The following COG2 variants were observed in gnomAD, a reference collection of about 807,000 sequenced individuals.
COG2 encodes conserved oligomeric Golgi complex subunit 2.
A neutral mutation model predicts 90.6 loss-of-function variants in COG2; 52 were observed. That is an observed-to-expected ratio of 0.57 (90% CI 0.46 to 0.72). The LOEUF (loss-of-function observed/expected upper bound fraction) is 0.72, where lower values mean the gene tolerates loss of function less well. COG2 is among the 30% of genes least tolerant of loss of function. COG2 has a pLI of 0.00. For missense variants in COG2, 829 were observed against 891.2 expected (o/e 0.93, Z 0.89); for synonymous variants, 337 against 320.4 (o/e 1.05, Z -0.55).
Position 230,688,441 on chromosome 1 carries a change from G to A in COG2, c.1673G>A (p.Ser558Asn). 1.2e-6 allele frequency: 2 copies of A among 1,614,006 alleles called. No homozygotes were observed. The highest frequency in any genetic ancestry group is 1.7e-6 in the Non-Finnish European group (2 of 1,179,982). ...ACAGCAGCCCTGGAGGACTCCCAGA[G>A]CTCTTTTTCAGCCTGTGTGCCCTCC... is the stretch of plus-strand genomic sequence containing the variant. ...SISAALEDSQSSFSACVPSLS... is the reference protein window; with the variant it reads ...SISAALEDSQNSFSACVPSLS... The change falls in exon 15 of 18, where the codon AGC becomes AAC. Residue 558 changes from serine to asparagine, a missense_variant. Ser to Asn is a conservative substitution (Grantham distance 46, BLOSUM62 1). Transcript: ENST00000366669.
chr1:230,654,702 A>G (rs1368230069), intron 1 of COG2, among the ~76,000 whole-genome samples: 1 of 152,216 alleles, frequency 6.6e-6, no homozygotes, highest in Non-Finnish European at 1.5e-5. Flanking sequence ...GGCAATTTTC[A>G]TGATATTGAT....
intron 12 of COG2, 101 bp from the exon 13 acceptor site, chr1:230,686,830 CAGCT>C (rs1662894915): frequency 1.7e-6 from 1 of 599,918 alleles, no homozygotes; most frequent in Non-Finnish European, 2.7e-6. Flanking sequence ...GCTATGTAGA[CAGCT>C]AGCATTTAAT....
At chr1:230,683,044 T>C (rs1662793805) in intron 10 of COG2, 1 of 152,978 alleles carries the variant, frequency 6.5e-6, no homozygotes, top group Non-Finnish European at 1.5e-5. Context: ...GCAAGTACCA[T>C]GGACGTGGGA....
intron 5 of COG2, 67 bp from the exon 6 acceptor site, chr1:230,668,608 CG>C: frequency 1.1e-6 from 1 of 913,162 alleles, no homozygotes. Context: ...CACTGCCAGG[CG>C]TGTGATGTAT....
intron 5 of COG2, among the ~76,000 whole-genome samples, chr1:230,667,936 A>G (rs901870291): frequency 1.3e-5 from 2 of 152,062 alleles, no homozygotes; most frequent in African/African-American, 2.4e-5. Context: ...GTTTGGGGGG[A>G]AAAAGTGCAT....
chr1:230,646,209 CTT>C (rs893026816), intron 1 of COG2, among the ~76,000 whole-genome samples: 1 of 152,178 alleles, frequency 6.6e-6, no homozygotes, highest in Non-Finnish European at 1.5e-5. Context: ...CAAATGTTGT[CTT>C]TACTTTCTCT....
chr1:230,649,623 G>A (rs916531490), intron 1 of COG2, among the ~76,000 whole-genome samples: 1 of 152,148 alleles, frequency 6.6e-6, no homozygotes, highest in Non-Finnish European at 1.5e-5. Context: ...GAACAGGAAT[G>A]TTGTCTTTGC....
At chr1:230,663,665 AT>A (rs1391921470) in intron 4 of COG2, among the ~76,000 whole-genome samples, 1 of 152,214 alleles carries the variant, frequency 6.6e-6, no homozygotes, top group African/African-American at 2.4e-5. Context: ...CTTTGTAACT[AT>A]TTATTTAATG....
intron 5 of COG2, among the ~76,000 whole-genome samples, chr1:230,666,613 T>C (rs139350361): frequency 6.6e-6 from 1 of 152,218 alleles, no homozygotes; most frequent in Non-Finnish European, 1.5e-5. Context: ...TCACTAAAGC[T>C]ATTCAGAACT....
At chr1:230,652,032 C>T (rs1661926142) in intron 1 of COG2, among the ~76,000 whole-genome samples, 1 of 152,102 alleles carries the variant, frequency 6.6e-6, no homozygotes. Context: ...AACTGAAGTG[C>T]CATAGTTTTT....
intron 16 of COG2, 110 bp from the exon 17 acceptor site, chr1:230,691,274 A>C: frequency 1.1e-6 from 1 of 923,932 alleles, no homozygotes; most frequent in South Asian, 2.0e-5. Context: ...TTTCGTTGGA[A>C]GTGAATTTTT....
intron 1 of COG2, 91 bp from the exon 2 acceptor site, chr1:230,659,373 A>G: frequency 4.9e-6 from 5 of 1,029,098 alleles, no homozygotes; most frequent in Non-Finnish European, 7.5e-6. Flanking sequence ...AATGACGGGA[A>G]TGGGCTTTCT....
chr1:230,673,576 G>A (rs1040773893), intron 8 of COG2, among the ~76,000 whole-genome samples: 5 of 152,202 alleles, frequency 3.3e-5, no homozygotes, highest in African/African-American at 1.2e-4. Context: ...ATGAGGAAAT[G>A]TTGTCATTTA....
At chr1:230,646,271 A>C (rs1661774424) in intron 1 of COG2, among the ~76,000 whole-genome samples, 1 of 152,050 alleles carries the variant, frequency 6.6e-6, no homozygotes. Context: ...CCATCATTCC[A>C]CTAAAGACTT....
At chr1:230,643,140 C>T (rs1442906257) in intron 1 of COG2, 3 of 155,192 alleles carry the variant, frequency 1.9e-5, no homozygotes, top group African/African-American at 7.2e-5. Context: ...TCAGCTAAAG[C>T]TTCCAGAATG....
intron 1 of COG2, among the ~76,000 whole-genome samples, chr1:230,644,536 G>A (rs1470819228): frequency 6.6e-6 from 1 of 152,174 alleles, no homozygotes; most frequent in African/African-American, 2.4e-5. Context: ...ATTTGAGATT[G>A]CTTGAAAATC....
At chr1:230,655,049 C>A (rs551922189) in intron 1 of COG2, among the ~76,000 whole-genome samples, 3 of 152,290 alleles carry the variant, frequency 2.0e-5, no homozygotes, top group Non-Finnish European at 4.4e-5. Flanking sequence ...CAAACAGAGA[C>A]AATTTGACTT....
At chr1:230,645,321 GGTA>G (rs1245419361) in intron 1 of COG2, among the ~76,000 whole-genome samples, 1 of 152,028 alleles carries the variant, frequency 6.6e-6, no homozygotes, top group Non-Finnish European at 1.5e-5. Flanking sequence ...GTAAGATACT[GGTA>G]GTAGGAGAGA....
chr1:230,669,010 T>A, intron 6 of COG2: 1 of 465,090 alleles, frequency 2.2e-6, no homozygotes, highest in Non-Finnish European at 3.8e-6. Context: ...AATTCTGAAT[T>A]TCATGGAATT....
Sources: gnomAD v4.1 joint callset for allele counts (sites outside exome capture counted in the v4.1 genomes callset) on GRCh38, gnomAD v4.1.1 for gene constraint, MANE v1.5 for transcripts, NCBI Gene and HGNC (gene_info 2026-07-23, HGNC 2026-07-21) for gene names.